Variants in PPP2R5C observed in about 807,000 individuals in gnomAD.
PPP2R5C encodes the protein protein phosphatase 2 regulatory subunit B'gamma, also known as serine/threonine-protein phosphatase 2A 56 kDa regulatory subunit gamma isoform.
In PPP2R5C, 7 loss-of-function variants were observed where a neutral mutation model predicts 68.9. The ratio of observed to expected loss-of-function variants is 0.10; its 90% confidence interval spans 0.06 to 0.19. PPP2R5C has a LOEUF of 0.19. PPP2R5C is among the 10% of genes least tolerant of loss of function. The pLI is 1.00. For synonymous variants in PPP2R5C, 210 were observed against 222.2 expected (o/e 0.95, Z 0.49); for missense variants, 348 against 641.3 (o/e 0.54, Z 4.94).
intron 2 of PPP2R5C, chr14:101,765,044 A>G (rs1193614268): frequency 6.3e-6 from 4 of 636,330 alleles, no homozygotes; most frequent in Non-Finnish European, 1.1e-5. Flanking sequence ...CAAAATCACT[A>G]CTATGTGAAA....
chr14:101,845,794 A>T (rs1355728082), intron 1 of PPP2R5C, among the ~76,000 whole-genome samples: 1 of 152,192 alleles, frequency 6.6e-6, no homozygotes, highest in East Asian at 1.9e-4. Context: ...TCTCCAGGAA[A>T]GATAATGTAA....
intron 1 of PPP2R5C, among the ~76,000 whole-genome samples, chr14:101,842,265 G>A (rs894033993): frequency 2.6e-5 from 4 of 152,180 alleles, no homozygotes; most frequent in African/African-American, 7.2e-5. Flanking sequence ...GTGTTACTTA[G>A]GGAGTGTGAT....
intron 2 of PPP2R5C, among the ~76,000 whole-genome samples, chr14:101,768,894 C>T (rs1484397963): frequency 1.3e-5 from 2 of 151,536 alleles, no homozygotes; most frequent in African/African-American, 4.9e-5. Flanking sequence ...GCGCAATCTC[C>T]GCTCACTGCC....
rs2046052821 is a variant in PPP2R5C at position 101,906,792 on chromosome 14, T to C, written c.1151+263T>C. ...CAGTAGCAGCAGTTTCTAGGCCTCT[T>C]CCTGAGCGTCCTGCAGAGAAGCTGA... On this transcript the variant is annotated intron_variant, in intron 10 of 13. Coordinates refer to ENST00000334743, the Ensembl canonical transcript of PPP2R5C. This position sits in a 1 kb window ranked among gnomAD's most constrained non-coding sequence, Gnocchi z 4.0. 3 of 417,422 alleles carry C rather than the reference T, an allele frequency of 7.2e-6. No homozygotes were observed. The highest frequency in any genetic ancestry group is 4.2e-5 in the Admixed American group (1 of 24,074). 25.9% of individuals were successfully genotyped at this position (417,422 alleles called of 1,614,324 possible).
chr14:101,890,391 C>T, intron 6 of PPP2R5C, 95 bp downstream of exon 8: 1 of 1,165,152 alleles, frequency 8.6e-7, no homozygotes, highest in Middle Eastern at 2.0e-4. Flanking sequence ...TAAAGCAAGG[C>T]AGTTTAAACC....
At chr14:101,776,676 A>C (rs1436030339) in intron 2 of PPP2R5C, among the ~76,000 whole-genome samples, 1 of 151,982 alleles carries the variant, frequency 6.6e-6, no homozygotes, top group Non-Finnish European at 1.5e-5. Flanking sequence ...CCTAAAAGGA[A>C]GCCCCATTCC....
chr14:101,778,289 T>C (rs1390833795), intron 2 of PPP2R5C, among the ~76,000 whole-genome samples: 1 of 152,230 alleles, frequency 6.6e-6, no homozygotes, highest in Non-Finnish European at 1.5e-5. Context: ...ATTGAGTTGT[T>C]AGAGTTCTTT....
rs1341915653 is a variant in PPP2R5C, at chr14:101,877,512, CGTT to C, written c.295-4647_295-4645del. Among the ~76,000 whole-genome samples, 1 of 152,092 alleles carries C rather than the reference CGTT, an allele frequency of 6.6e-6. No individual in the cohort carries two copies. Among genetic ancestry groups the C allele is most frequent in the Non-Finnish European group, 1.5e-5 (1 of 68,022 alleles). ...AGCTTCTTTGGTGTTCACTGCATAA[CGTT>C]GATGTCTTCTCTGTTTCCTCAGACC... On this transcript the variant is annotated intron_variant, in intron 2 of 13. Transcript: ENST00000334743. This position sits in a 1 kb window ranked among gnomAD's most constrained non-coding sequence, Gnocchi z 4.2.
intron 1 of PPP2R5C, among the ~76,000 whole-genome samples, chr14:101,821,391 T>G (rs928321552): frequency 2.8e-5 from 4 of 143,790 alleles, no homozygotes; most frequent in Non-Finnish European, 6.0e-5. Context: ...AAGTGACTGC[T>G]GCCTGGAGTT....
intron 2 of PPP2R5C, among the ~76,000 whole-genome samples, chr14:101,777,404 T>C (rs2037480214): frequency 6.6e-6 from 1 of 151,622 alleles, no homozygotes; most frequent in African/African-American, 2.4e-5. Context: ...GGCTGGAGTA[T>C]AGTGGCGCCA....
At chr14:101,894,368 C>T (rs749366920) in intron 7 of PPP2R5C, 139 bp from the exon 10 acceptor site, 5 of 630,472 alleles carry the variant, frequency 7.9e-6, no homozygotes, top group Non-Finnish European at 1.1e-5. Context: ...AATGTTAATG[C>T]CCGTTAATCA....
In PPP2R5C at chr14:101,887,387, A is replaced by T. The variant is rs1342528758; in HGVS notation, c.630-2850A>T. ...GAGATGCCATCAAACTGTCCCCATCATCACCAGGATGTGTCACTACCTCAC... is the reference window on the plus strand; with the variant it reads ...GAGATGCCATCAAACTGTCCCCATCTTCACCAGGATGTGTCACTACCTCAC... On this transcript the variant is annotated intron_variant, in intron 5 of 13. Coordinates refer to ENST00000334743, the Ensembl canonical transcript of PPP2R5C. Among the ~76,000 whole-genome samples the T allele has an allele frequency of 2.0e-5, 3 of 152,162 alleles. No homozygotes were observed. The East Asian group carries it at 5.8e-4, about 29-fold the overall frequency.
At chr14:101,806,974 C>T (rs1411961741), upstream of PPP2R5C, among the ~76,000 whole-genome samples, 1 of 152,132 alleles carries the variant, frequency 6.6e-6, no homozygotes, top group Admixed American at 6.5e-5. Context: ...AAAAAACAAA[C>T]CACAGAAATT....
intron 8 of PPP2R5C, among the ~76,000 whole-genome samples, chr14:101,901,261 C>T (rs1258675193): frequency 6.6e-6 from 1 of 152,094 alleles, no homozygotes; most frequent in Non-Finnish European, 1.5e-5. Context: ...ATTGTCCTAA[C>T]TTCTTATTTT....
Position 101,761,939 on chromosome 14 carries a change from G to A in PPP2R5C, c.27+19G>A. On this transcript the variant is annotated intron_variant, in intron 1 of 14. Coordinates refer to the PPP2R5C transcript ENST00000328724. ...GGAGAAAGTGAGTCCGGGCCCGGCC[G>A]CGGGACGGAGGGAGCAGGGAGGGAC... is the stretch of plus-strand genomic sequence containing the variant. 1.7e-6 allele frequency: 2 copies of A among 1,189,772 alleles called. No individual in the cohort carries two copies. The highest frequency in any genetic ancestry group is 1.6e-5 in the African/African-American group (1 of 61,954). 73.7% of individuals were successfully genotyped at this position (1,189,772 alleles called of 1,614,324 possible). A position where few individuals can be genotyped will look rare whatever the true frequency, so the allele number is the denominator to read the frequency against.
At chr14:101,921,204 A>T (rs1279470878) in intron 13 of PPP2R5C, 2 of 252,594 alleles carry the variant, frequency 7.9e-6, no homozygotes, top group South Asian at 6.5e-5. Flanking sequence ...AGCAGCAGTG[A>T]CTACCGGCAC....
At chr14:101,805,920 T>C (rs1025591770), upstream of PPP2R5C, among the ~76,000 whole-genome samples, 22 of 152,174 alleles carry the variant, frequency 1.4e-4, 1 homozygote, top group African/African-American at 3.9e-4. Context: ...GGAAAGTTAC[T>C]GTTTAATGGG....
Position 101,816,862 on chromosome 14 carries a change from ATATT to A in PPP2R5C, c.94+6834_94+6837del, listed in dbSNP as rs1292999020. Among the ~76,000 whole-genome samples, 507 of 141,784 alleles carry A rather than the reference ATATT, an allele frequency of 3.6e-3. 2 individuals carry two copies. Among genetic ancestry groups the A allele is most frequent in the Non-Finnish European group, 4.8e-3 (320 of 66,230 alleles). 93.0% of individuals were successfully genotyped at this position (141,784 alleles called of 152,430 possible). A position where few individuals can be genotyped will look rare whatever the true frequency, so the allele number is the denominator to read the frequency against. On this transcript the variant is annotated intron_variant, in intron 1 of 13. Coordinates refer to ENST00000334743, the Ensembl canonical transcript of PPP2R5C. ...TAATGTTTGAGAGAAATAAATATATATATTTATTTATATATATATTATATATATA... is the reference window on the plus strand; with the variant it reads ...TAATGTTTGAGAGAAATAAATATATATATTTATATATATATTATATATATA...
chr14:101,848,064 A>C (rs2041946458), intron 1 of PPP2R5C, among the ~76,000 whole-genome samples: 1 of 152,138 alleles, frequency 6.6e-6, no homozygotes, highest in African/African-American at 2.4e-5. Flanking sequence ...CACAGTTTTT[A>C]TTTTATCCAT....
Sources: gnomAD v4.1 joint callset for allele counts (sites outside exome capture counted in the v4.1 genomes callset) on GRCh38, gnomAD v4.1.1 for gene constraint, Gnocchi (gnomAD v3.1) non-coding constraint, MANE v1.5 for transcripts, NCBI Gene and HGNC (gene_info 2026-07-23, HGNC 2026-07-21) for gene names.